The following TBX4 variants were observed in gnomAD, a reference collection of about 807,000 sequenced individuals.
TBX4 encodes the protein T-box transcription factor TBX4.
Under a neutral mutation model 54.6 loss-of-function variants are expected in TBX4, and 13 were observed. The ratio of observed to expected loss-of-function variants is 0.24; its 90% CI spans 0.15 to 0.38. TBX4 has a LOEUF of 0.38. Among genes scored for constraint, TBX4 ranks in the 10% least tolerant of loss-of-function variants. The pLI, the probability that TBX4 is intolerant of heterozygous loss-of-function variation, is 1.00. For synonymous variants in TBX4, 314 were observed against 306.7 expected (o/e 1.02, Z -0.25); for missense variants, 631 against 728.5 (o/e 0.87, Z 1.54).
intron 5 of TBX4, among the ~76,000 whole-genome samples, chr17:61,471,400 G>A (rs72834687): frequency 0.19 from 29,562 of 152,194 alleles, 3,284 homozygotes; most frequent in East Asian, 0.29. Flanking sequence ...TTTATGAATA[G>A]GAAATACTTT....
Position 61,480,331 on chromosome 17 carries a change from C to T in TBX4, c.1021+12C>T, listed in dbSNP as rs757379932. 1 of 1,609,444 alleles carries T rather than the reference C, an allele frequency of 6.2e-7. No individual in the cohort carries two copies. The highest frequency in any genetic ancestry group is 1.3e-5 in the African/African-American group (1 of 74,830). On this transcript the variant is annotated intron_variant, in intron 8 of 8. Transcript: ENST00000644296. The surrounding 1 kb of genome is among the most constrained non-coding windows in gnomAD (Gnocchi z 6.2). Reference sequence around the variant, plus strand: ...CCTGAAAAGACGAGGTAGGGCTCTCCTGGTCTAGAAGCCCTAGAGGGTAAG... The same window carrying T: ...CCTGAAAAGACGAGGTAGGGCTCTCTTGGTCTAGAAGCCCTAGAGGGTAAG...
At position 61,479,091 on chromosome 17, in the gene TBX4, A is replaced by T. The variant is rs935172180; in HGVS notation, c.702+312A>T. Among the ~76,000 whole-genome samples, 1 of 152,204 alleles carries T rather than the reference A, an allele frequency of 6.6e-6. No homozygotes were observed. Among genetic ancestry groups the T allele is most frequent in the Admixed American group, 6.5e-5 (1 of 15,288 alleles). ...TGTGGTTTGAGCATTGGGCCCTTTC[A>T]TTCCACAATGTTCTTTCTCCTGGTT... On this transcript the variant is annotated intron_variant, in intron 6 of 8. Transcript: ENST00000644296. This position sits in a 1 kb window ranked among gnomAD's most constrained non-coding sequence, Gnocchi z 6.1.
chr17:61,467,666 G>A lies in TBX4; in HGVS notation c.549+9G>A, dbSNP rs1433648923. On this transcript the variant is annotated intron_variant, in intron 5 of 8. Transcript: ENST00000644296. ...TGGACCCCTTTGGCCATGTAAGCATGGGGGCTGCCTGGCCCCAGGAGGCAA... is the reference window on the plus strand; with the variant it reads ...TGGACCCCTTTGGCCATGTAAGCATAGGGGCTGCCTGGCCCCAGGAGGCAA... 2 of 1,614,154 alleles carry A rather than the reference G, an allele frequency of 1.2e-6. No homozygotes were observed. The highest frequency in any genetic ancestry group is 3.3e-5 in the Admixed American group (2 of 60,024).
intron 5 of TBX4, among the ~76,000 whole-genome samples, chr17:61,471,227 A>C (rs1412542807): frequency 6.6e-6 from 1 of 152,102 alleles, no homozygotes; most frequent in Non-Finnish European, 1.5e-5. Context: ...CACCTTCTTC[A>C]CCTAGGTAGC....
rs1168027599 is a variant in TBX4, at chr17:61,462,749, C to T, written c.282-3070C>T. ...ACAAACAGGGAGGCGTTGCTTTCCA[C>T]CGTAGGGTGTTGGTTTTCAGGTACA... On this transcript the variant is annotated intron_variant, in intron 3 of 8. Transcript: ENST00000644296. The surrounding 1 kb of genome is among the most constrained non-coding windows in gnomAD (Gnocchi z 4.5). 2 of 152,194 alleles carry T rather than the reference C, an allele frequency of 1.3e-5. No homozygotes were observed. Among genetic ancestry groups the T allele is most frequent in the Non-Finnish European group, 2.9e-5 (2 of 68,064 alleles). 9.4% of individuals were successfully genotyped at this position (152,194 alleles called of 1,614,324 possible). A position where few individuals can be genotyped will look rare whatever the true frequency, so the allele number is the denominator to read the frequency against.
At chr17:61,467,710 G>T in intron 5 of TBX4, 53 bp downstream of exon 5, 1 of 1,611,150 alleles carries the variant, frequency 6.2e-7, no homozygotes, top group South Asian at 1.1e-5. Context: ...CAGTTTTAGG[G>T]GTGGGACAGG....
At position 61,480,565 on chromosome 17, in the gene TBX4, G is replaced by A. The variant is rs1486680518; in HGVS notation, c.1021+246G>A. On this transcript the variant is annotated intron_variant, in intron 8 of 8. Coordinates refer to ENST00000644296, the MANE Select transcript of TBX4 (RefSeq NM_001321120.2). The surrounding 1 kb of genome is among the most constrained non-coding windows in gnomAD (Gnocchi z 6.2). ...CCCTCACAGACAGCTTGTAGCCCCG[G>A]TGTCCCCAGACACCTTTCCAAGTGT... 1.3e-5 allele frequency among the ~76,000 whole-genome samples: 2 copies of A among 152,192 alleles called. No individual in the cohort carries two copies. Among genetic ancestry groups the A allele is most frequent in the Non-Finnish European group, 2.9e-5 (2 of 68,042 alleles).
At chr17:61,455,531 C>T (rs764964386) in intron 1 of TBX4, among the ~76,000 whole-genome samples, 26 of 152,234 alleles carry the variant, frequency 1.7e-4, no homozygotes, top group Non-Finnish European at 3.1e-4. Context: ...GGGCAGGGAG[C>T]AGGCACCTGA....
intron 4 of TBX4, among the ~76,000 whole-genome samples, chr17:61,466,716 C>A (rs1015819450): frequency 6.6e-6 from 1 of 152,222 alleles, no homozygotes; most frequent in East Asian, 1.9e-4. Flanking sequence ...TTTCTTCTCC[C>A]TCTCTGGGCT....
At chr17:61,466,243 G>C (rs1286476744) in intron 4 of TBX4, among the ~76,000 whole-genome samples, 1 of 152,160 alleles carries the variant, frequency 6.6e-6, no homozygotes, top group Non-Finnish European at 1.5e-5. Flanking sequence ...TATGCTGTCA[G>C]GTGACAGACA....
At chr17:61,453,230 A>T (rs991233083) in intron 1 of TBX4, among the ~76,000 whole-genome samples, 2 of 152,226 alleles carry the variant, frequency 1.3e-5, no homozygotes, top group Non-Finnish European at 2.9e-5. Flanking sequence ...TTAAAGACAA[A>T]GTAATTCTAA....
chr17:61,480,197 T>A lies in TBX4; in HGVS notation c.899T>A (p.Leu300His), dbSNP rs1436489866. 1.2e-6 allele frequency: 2 copies of A among 1,613,774 alleles called. No individual in the cohort carries two copies. Among genetic ancestry groups the A allele is most frequent in the Non-Finnish European group, 1.7e-6 (2 of 1,179,872 alleles). The part of the protein sequence containing the change: ...VGPLLGTHQA[L>H]QHYQHENGAH... The stretch of plus-strand genomic sequence containing the variant: ...CCCCTGCTCGGCACCCACCAGGCAC[T>A]CCAGCACTACCAGCACGAGAACGGG... Residue 300 changes from leucine (L) to histidine (H), a missense_variant, in exon 8 of 9, where the codon CTC becomes CAC. Physicochemically the swap from Leu to His is moderately conservative, Grantham distance 99 (BLOSUM62 -3). Transcript: ENST00000644296. This position sits in a 1 kb window ranked among gnomAD's most constrained non-coding sequence, Gnocchi z 6.2.
At chr17:61,470,244 T>C (rs1293053269) in intron 5 of TBX4, among the ~76,000 whole-genome samples, 1 of 152,192 alleles carries the variant, frequency 6.6e-6, no homozygotes, top group East Asian at 1.9e-4. Flanking sequence ...GGGTGGCTCA[T>C]GTGTCTGCTT....
intron 2 of TBX4, 152 bp downstream of exon 2, chr17:61,456,828 C>T: frequency 1.8e-6 from 1 of 550,262 alleles, no homozygotes; most frequent in East Asian, 3.9e-5. Context: ...CTCCACTGGA[C>T]ATGGCTCGCT....
Position 61,478,460 on chromosome 17 carries a change from C to G in TBX4, c.550-167C>G. On this transcript the variant is annotated intron_variant, in intron 5 of 8. Transcript: ENST00000644296. The surrounding 1 kb of genome is among the most constrained non-coding windows in gnomAD (Gnocchi z 7.4). ...GCTGGGGTGGGGAGAGTTTGGGGCC[C>G]AGGGGCCTGGTTCTTCACTTGGGAG... 1.2e-6 allele frequency: 1 copy of G among 869,064 alleles called. No individual in the cohort carries two copies. 53.8% of individuals were successfully genotyped at this position (869,064 alleles called of 1,614,324 possible).
intron 5 of TBX4, among the ~76,000 whole-genome samples, chr17:61,473,845 G>GCTCA (rs2143842508): frequency 6.6e-6 from 1 of 152,356 alleles, no homozygotes; most frequent in East Asian, 1.9e-4. Flanking sequence ...CATAAGCTAT[G>GCTCA]CTCAGTAAGT....
At position 61,456,474 on chromosome 17, in the gene TBX4, T is replaced by C; in HGVS notation, c.-3-14T>C. 3 of 1,562,808 alleles carry C rather than the reference T, an allele frequency of 1.9e-6. No individual in the cohort carries two copies. The highest frequency in any genetic ancestry group is 1.7e-6 in the Non-Finnish European group (2 of 1,153,910). On this transcript the variant is annotated splice_polypyrimidine_tract_variant and intron_variant, in intron 1 of 8. Transcript: ENST00000644296. ...GGACCTGGGCGAGTGACTCGTTGTG[T>C]GCTGTGCCCGCAGGAGATGCTGCAG...
intron 5 of TBX4, among the ~76,000 whole-genome samples, chr17:61,469,048 T>C (rs2060557106): frequency 1.3e-5 from 2 of 152,186 alleles, no homozygotes; most frequent in African/African-American, 2.4e-5. Context: ...ACAGAGCTTG[T>C]GGGGAGCTGC....
At chr17:61,473,246 G>A (rs147067147) in intron 5 of TBX4, among the ~76,000 whole-genome samples, 3 of 152,294 alleles carry the variant, frequency 2.0e-5, no homozygotes, top group African/African-American at 2.4e-5. Flanking sequence ...CATGATAAAT[G>A]CAGCCTTTCT....
Sources: gnomAD v4.1 joint callset for allele counts (sites outside exome capture counted in the v4.1 genomes callset) on GRCh38, gnomAD v4.1.1 for gene constraint, Gnocchi (gnomAD v3.1) non-coding constraint, MANE v1.5 for transcripts, NCBI Gene and HGNC (gene_info 2026-07-23, HGNC 2026-07-21) for gene names.